NCKAP5: variants seen among roughly 807,000 people sequenced by gnomAD.
The protein encoded by NCKAP5 is NCK associated protein 5, also known as nck-associated protein 5.
A neutral mutation model predicts 167.0 loss-of-function variants in NCKAP5; 92 were observed. The ratio of observed to expected loss-of-function variants is 0.55; its 90% CI spans 0.47 to 0.66. The LOEUF (loss-of-function observed/expected upper bound fraction) is 0.66, where lower values mean the gene tolerates loss of function less well. Ranked by LOEUF, NCKAP5 falls within the 30% of genes least tolerant of loss-of-function variation. The pLI is 0.00. For synonymous variants in NCKAP5, 891 were observed against 877.4 expected (o/e 1.02, Z -0.27); for missense variants, 2,378 against 2,315.0 (o/e 1.03, Z -0.56).
chr2:133,262,145 A>T (rs982972926), intron 4 of NCKAP5, among the ~76,000 whole-genome samples: 5 of 151,880 alleles, frequency 3.3e-5, no homozygotes, highest in Admixed American at 2.6e-4. Context: ...AATGCACATA[A>T]TTTTTTTTTA....
chr2:133,135,226 T>C (rs2082747225), intron 5 of NCKAP5, among the ~76,000 whole-genome samples: 1 of 152,176 alleles, frequency 6.6e-6, no homozygotes, highest in Admixed American at 6.5e-5. Flanking sequence ...GGAAGTAATA[T>C]TGAAACTGAG....
chr2:133,066,330 C>G (rs555373642), intron 6 of NCKAP5, among the ~76,000 whole-genome samples: 1 of 152,218 alleles, frequency 6.6e-6, no homozygotes, highest in Non-Finnish European at 1.5e-5. Context: ...TTCTTATCAT[C>G]TAAAACCCGT....
At chr2:133,143,142 T>G (rs1335998834) in intron 5 of NCKAP5, among the ~76,000 whole-genome samples, 1 of 151,990 alleles carries the variant, frequency 6.6e-6, no homozygotes, top group African/African-American at 2.4e-5. Context: ...GCTCCACAAA[T>G]GTACATTTTT....
chr2:132,873,226 CTGGAGTAGCTGGG>C (rs1176263942), intron 9 of NCKAP5, among the ~76,000 whole-genome samples: 3 of 152,140 alleles, frequency 2.0e-5, no homozygotes, highest in African/African-American at 7.2e-5. Context: ...GCCTCAGCCT[CTGGAGTAGCTGGG>C]ACTACAGGCG....
chr2:132,920,757 GTA>G (rs1163807017), intron 8 of NCKAP5, among the ~76,000 whole-genome samples: 1 of 31,072 alleles, frequency 3.2e-5, no homozygotes, highest in Non-Finnish European at 5.1e-5. Context: ...ATATATATAT[GTA>G]TATATATGTA....
chr2:132,762,617 A>G (rs1681102913), intron 16 of NCKAP5, among the ~76,000 whole-genome samples: 1 of 152,078 alleles, frequency 6.6e-6, no homozygotes, highest in African/African-American at 2.4e-5. Context: ...AATTCACGCC[A>G]CCTCGTAGGG....
intron 9 of NCKAP5, 112 bp downstream of exon 9, chr2:132,878,736 G>A: frequency 1.2e-6 from 1 of 805,852 alleles, no homozygotes. Flanking sequence ...TTCTTTGGAG[G>A]AGAAAATGCT....
chr2:133,174,846 G>A (rs990324359), intron 5 of NCKAP5, among the ~76,000 whole-genome samples: 6 of 152,046 alleles, frequency 3.9e-5, no homozygotes, highest in African/African-American at 1.2e-4. Flanking sequence ...AACCTCATGC[G>A]TGTTTACTTC....
At chr2:133,631,490 C>G in the NCKAP5 span, among the ~76,000 whole-genome samples, 2 of 152,282 alleles carry the variant, frequency 1.3e-5, no homozygotes, top group South Asian at 4.1e-4. Flanking sequence ...TTCTATTATC[C>G]TGGATTTAAA....
chr2:133,533,321 T>C (rs1043162752), intron 2 of NCKAP5, among the ~76,000 whole-genome samples: 2 of 152,212 alleles, frequency 1.3e-5, no homozygotes, highest in African/African-American at 2.4e-5. Flanking sequence ...GAGTCAGAAA[T>C]CCAGATCATC....
intron 3 of NCKAP5, among the ~76,000 whole-genome samples, chr2:133,374,830 A>G (rs1196185622): frequency 6.6e-6 from 1 of 152,200 alleles, no homozygotes; most frequent in Non-Finnish European, 1.5e-5. Flanking sequence ...AAAGTATAGT[A>G]AAAGCCTCAC....
chr2:133,673,181 C>G, the NCKAP5 span, among the ~76,000 whole-genome samples: 1 of 152,144 alleles, frequency 6.6e-6, no homozygotes, highest in African/African-American at 2.4e-5. Context: ...TCATATAGTC[C>G]TCTGAGTCAT....
At chr2:133,011,484 C>T (rs2149362469) in intron 6 of NCKAP5, among the ~76,000 whole-genome samples, 1 of 152,362 alleles carries the variant, frequency 6.6e-6, no homozygotes, top group East Asian at 1.9e-4. Flanking sequence ...CCAGTTAGAA[C>T]ACGGTCCCCT....
At chr2:133,508,238 C>T (rs1490735242) in intron 3 of NCKAP5, among the ~76,000 whole-genome samples, 2 of 152,164 alleles carry the variant, frequency 1.3e-5, no homozygotes, top group Non-Finnish European at 2.9e-5. Flanking sequence ...CTGTGGCTTT[C>T]TCAATAAATT....
intron 3 of NCKAP5, among the ~76,000 whole-genome samples, chr2:133,404,587 T>C (rs1408738051): frequency 6.6e-6 from 1 of 152,232 alleles, no homozygotes; most frequent in African/African-American, 2.4e-5. Context: ...TTAATATTTT[T>C]GAACCTCAGT....
intron 6 of NCKAP5, among the ~76,000 whole-genome samples, chr2:133,024,069 T>C (rs1014562485): frequency 6.6e-6 from 1 of 152,182 alleles, no homozygotes; most frequent in Non-Finnish European, 1.5e-5. Context: ...AAACATTAAA[T>C]AGACCTAACC....
chr2:133,030,333 C>A (rs2078839155), intron 6 of NCKAP5, among the ~76,000 whole-genome samples: 1 of 152,152 alleles, frequency 6.6e-6, no homozygotes, highest in Non-Finnish European at 1.5e-5. Context: ...GCAAGGAAAG[C>A]AAGTTGAGGG....
At chr2:133,426,218 C>G (rs569555477) in intron 3 of NCKAP5, among the ~76,000 whole-genome samples, 2 of 151,670 alleles carry the variant, frequency 1.3e-5, no homozygotes, top group African/African-American at 2.4e-5. Context: ...TGTGGTGAGG[C>G]GAAGTCACAC....
intron 16 of NCKAP5, among the ~76,000 whole-genome samples, chr2:132,761,465 C>T (rs942614033): frequency 2.0e-5 from 3 of 152,244 alleles, no homozygotes; most frequent in Admixed American, 1.3e-4. Flanking sequence ...CATTCTCTTG[C>T]TCCTATGGAT....
Sources: gnomAD v4.1 joint callset for allele counts (sites outside exome capture counted in the v4.1 genomes callset) on GRCh38, gnomAD v4.1.1 for gene constraint, MANE v1.5 for transcripts, NCBI Gene and HGNC (gene_info 2026-07-23, HGNC 2026-07-21) for gene names.